The following CDH23 variants were observed in gnomAD, a reference collection of about 807,000 sequenced individuals.
CDH23 encodes cadherin-23.
A neutral mutation model predicts 317.1 loss-of-function variants in CDH23; 189 were observed. That is an observed-to-expected ratio of 0.60 (90% CI 0.53 to 0.67). The LOEUF (loss-of-function observed/expected upper bound fraction) is 0.67, where lower values mean the gene tolerates loss of function less well. Ranked by LOEUF, CDH23 falls within the 30% of genes least tolerant of loss-of-function variation. The probability of loss-of-function intolerance (pLI) is 0.00; values close to 1 mark genes in which losing one functional copy is unlikely to be tolerated. For missense variants in CDH23, 4,401 were observed against 4,592.4 expected, an observed-to-expected ratio of 0.96 and a Z score of 1.20; for synonymous variants, 1,839 against 1,876.8, an observed-to-expected ratio of 0.98 and a Z score of 0.52.
At chr10:71,480,717 A>T (rs1405125114) in intron 3 of CDH23, among the ~76,000 whole-genome samples, 1 of 152,140 alleles carries the variant, frequency 6.6e-6, no homozygotes, top group Admixed American at 6.5e-5. Flanking sequence ...CAGGATACTG[A>T]GTGCAGAGAA....
At chr10:71,588,728 G>A (rs1467198036) in intron 9 of CDH23, among the ~76,000 whole-genome samples, 2 of 152,144 alleles carry the variant, frequency 1.3e-5, no homozygotes, top group South Asian at 2.1e-4. Context: ...GGATGGGGAG[G>A]AGGCAGTTCC....
At chr10:71,750,798 G>A (rs953259194) in intron 38 of CDH23, 5 of 156,746 alleles carry the variant, frequency 3.2e-5, no homozygotes, top group Middle Eastern at 3.0e-3. Context: ...AGCAGCCTCG[G>A]GCAAAACGGG....
At chr10:71,759,852 C>T (rs201558798) in intron 38 of CDH23, among the ~76,000 whole-genome samples, 55,647 of 77,848 alleles carry the variant, frequency 0.71, 23,169 homozygotes, top group South Asian at 0.8. Context: ...CACACATATA[C>T]ACACACACAC....
In CDH23 at chr10:71,615,604, C is replaced by T; in HGVS notation, c.933C>T (p.Ile311=). 1 of 1,613,610 alleles carries T rather than the reference C, an allele frequency of 6.2e-7. No homozygotes were observed. Residue 311 remains isoleucine, a synonymous_variant, in exon 10 of 70, where the codon ATC becomes ATT. Coordinates refer to ENST00000224721, the MANE Select transcript of CDH23 (RefSeq NM_022124.6). ...RENPLYSHGF[I]LTVKGTELND... is the part of the protein sequence containing the mutation. Reference sequence around the variant, plus strand: ...ACCCCCTGTACAGCCATGGCTTCATCCTGACTGTGAAGGTGAGACCTGGGT... The same window carrying T: ...ACCCCCTGTACAGCCATGGCTTCATTCTGACTGTGAAGGTGAGACCTGGGT...
At chr10:71,501,229 G>A (rs2132169127) in intron 3 of CDH23, among the ~76,000 whole-genome samples, 1 of 152,300 alleles carries the variant, frequency 6.6e-6, no homozygotes, top group Admixed American at 6.5e-5. Flanking sequence ...AAGGCCATTA[G>A]GAGAAATAAG....
In CDH23 at chr10:71,566,769, A is replaced by G; in HGVS notation, c.457A>G (p.Ile153Val). The change falls in exon 7 of 70, where the codon ATC becomes GTC. Residue 153 changes from isoleucine (I) to valine (V), a missense_variant. Physicochemically the swap from Ile to Val is conservative, Grantham distance 29 (BLOSUM62 3). Transcript: ENST00000224721. ...ENTPVGTPIF[I>V]VNATDPDLGA... The stretch of plus-strand genomic sequence containing the variant: ...TACACCAGTGGGGACGCCCATCTTC[A>G]TCGTGAATGCCACAGACCCCGACTT... 4 of 1,609,532 alleles carry G rather than the reference A, an allele frequency of 2.5e-6. No homozygotes were observed. The South Asian group carries it at 4.4e-5, about 18-fold the overall frequency.
chr10:71,432,795 G>A (rs1477369073), intron 1 of CDH23, among the ~76,000 whole-genome samples: 6 of 152,260 alleles, frequency 3.9e-5, no homozygotes, highest in African/African-American at 1.4e-4. Flanking sequence ...GAGAGGCAGC[G>A]CCTCCCGAGC....
At chr10:71,812,182 C>T (rs1055266823) in intron 66 of CDH23, 167 bp downstream of exon 66, 17 of 1,583,208 alleles carry the variant, frequency 1.1e-5, no homozygotes, top group Admixed American at 1.8e-5. Context: ...TCAGAAACCA[C>T]GTGGCTGACA....
chr10:71,694,025 G>A, intron 20 of CDH23, 122 bp from the exon 21 acceptor site: 1 of 796,042 alleles, frequency 1.3e-6, no homozygotes, highest in Non-Finnish European at 2.1e-6. Context: ...GATCATGGTA[G>A]CTTGCTAACA....
At chr10:71,414,758 G>C (rs1308500708) in intron 1 of CDH23, among the ~76,000 whole-genome samples, 1 of 152,170 alleles carries the variant, frequency 6.6e-6, no homozygotes, top group African/African-American at 2.4e-5. Context: ...TTCTGGAGGA[G>C]TGTGGATAAG....
In CDH23 at chr10:71,800,630, T is replaced by A; in HGVS notation, c.7363-6T>A. 6.2e-7 allele frequency: 1 copy of A among 1,613,682 alleles called. No homozygotes were observed. The highest frequency in any genetic ancestry group is 1.3e-5 in the African/African-American group (1 of 75,034). Reference sequence around the variant, plus strand: ...GAAGGACCTAAAGCCACCCTCCCCCTACTAGGGTGACATCTATGTGCTGTC... The same window carrying A: ...GAAGGACCTAAAGCCACCCTCCCCCAACTAGGGTGACATCTATGTGCTGTC... On this transcript the variant is annotated splice_region_variant and splice_polypyrimidine_tract_variant and intron_variant, in intron 52 of 69. Transcript: ENST00000224721.
intron 6 of CDH23, among the ~76,000 whole-genome samples, chr10:71,526,325 T>C (rs7906597): frequency 0.44 from 67,507 of 152,146 alleles, 16,200 homozygotes; most frequent in African/African-American, 0.63. Context: ...CGCTCACCTG[T>C]GGCTCTCCAC....
At chr10:71,713,500 G>A (rs1468947286) in intron 28 of CDH23, 11 of 553,174 alleles carry the variant, frequency 2.0e-5, no homozygotes, top group Admixed American at 3.3e-5. Context: ...GGACAGAAGC[G>A]TGGGAGGCTG....
At chr10:71,605,187 C>T (rs1035173672) in intron 9 of CDH23, among the ~76,000 whole-genome samples, 1 of 151,686 alleles carries the variant, frequency 6.6e-6, no homozygotes, top group African/African-American at 2.4e-5. Flanking sequence ...ACAACTGTCA[C>T]CACTAGGAAG....
chr10:71,786,370 C>T (rs1226992557), intron 44 of CDH23, among the ~76,000 whole-genome samples: 1 of 152,076 alleles, frequency 6.6e-6, no homozygotes, highest in East Asian at 1.9e-4. Flanking sequence ...GTGGCTCAGC[C>T]AAGGCACCAC....
At chr10:71,574,222 C>T (rs542786502) in intron 8 of CDH23, among the ~76,000 whole-genome samples, 19 of 152,220 alleles carry the variant, frequency 1.2e-4, no homozygotes, top group Admixed American at 3.3e-4. Context: ...ATGCCTCCCC[C>T]TATCAGCGTA....
chr10:71,454,660 C>T (rs898698845), intron 3 of CDH23, among the ~76,000 whole-genome samples: 1 of 152,082 alleles, frequency 6.6e-6, no homozygotes, highest in Non-Finnish European at 1.5e-5. Context: ...TGACTGTCTG[C>T]CCCTCCCAGC....
intron 8 of CDH23, among the ~76,000 whole-genome samples, chr10:71,571,660 A>G (rs1857818030): frequency 1.3e-5 from 2 of 152,250 alleles, no homozygotes; most frequent in Non-Finnish European, 2.9e-5. Flanking sequence ...GCAAACTTGA[A>G]TGCAACACCG....
chr10:71,615,060 G>A (rs977469315), intron 9 of CDH23, among the ~76,000 whole-genome samples: 6 of 152,138 alleles, frequency 3.9e-5, no homozygotes, highest in African/African-American at 1.4e-4. Context: ...GACTAGACTA[G>A]ACTAGAATAG....
Sources: gnomAD v4.1 joint callset for allele counts (sites outside exome capture counted in the v4.1 genomes callset) on GRCh38, gnomAD v4.1.1 for gene constraint, MANE v1.5 for transcripts, NCBI Gene and HGNC (gene_info 2026-07-23, HGNC 2026-07-21) for gene names.